The following RFX3 variants were observed in gnomAD, a reference collection of about 807,000 sequenced individuals.
The protein encoded by RFX3 is regulatory factor X3, also known as transcription factor RFX3.
Under a neutral mutation model 98.6 loss-of-function variants are expected in RFX3, and 14 were observed. The ratio of observed to expected loss-of-function variants is 0.14; its 90% confidence interval spans 0.09 to 0.22. The LOEUF (loss-of-function observed/expected upper bound fraction) is 0.22. Among genes scored for constraint, RFX3 ranks in the 10% least tolerant of loss-of-function variants. RFX3 has a pLI of 1.00. For missense variants in RFX3, 639 were observed against 926.9 expected, an observed-to-expected ratio of 0.69 and a Z score of 4.03; for synonymous variants, 383 against 328.4, an observed-to-expected ratio of 1.17 and a Z score of -1.80.
At chr9:3,292,180 C>G (rs1487786168) in intron 6 of RFX3, among the ~76,000 whole-genome samples, 1 of 143,556 alleles carries the variant, frequency 7.0e-6, no homozygotes, top group Non-Finnish European at 1.5e-5. Context: ...TACAGTATCT[C>G]TATTTTAACT....
intron 1 of RFX3, among the ~76,000 whole-genome samples, chr9:3,503,983 C>G (rs1343936889): frequency 6.6e-6 from 1 of 151,090 alleles, no homozygotes; most frequent in African/African-American, 2.4e-5. Flanking sequence ...ACACGCTGTT[C>G]AATTTTTTAA....
rs573110140 is a variant in RFX3 at position 3,321,870 on chromosome 9, C to T, written c.474+8389G>A. 8.1e-4 allele frequency among the ~76,000 whole-genome samples: 123 copies of T among 152,002 alleles called. 1 individual carries two copies. Among genetic ancestry groups the T allele is most frequent in the African/African-American group, 2.8e-3 (118 of 41,476 alleles). ...TAAATATATAAATATTCAGTTGTTCCAAATATCATTTACTGATAATCCATG... is the reference window on the plus strand; with the variant it reads ...TAAATATATAAATATTCAGTTGTTCTAAATATCATTTACTGATAATCCATG... On this transcript the variant is annotated intron_variant, in intron 4 of 16. Coordinates refer to ENST00000617270, the MANE Select transcript of RFX3 (RefSeq NM_001282116.2).
At chr9:3,393,536 A>C (rs1276494426) in intron 2 of RFX3, among the ~76,000 whole-genome samples, 1 of 151,906 alleles carries the variant, frequency 6.6e-6, no homozygotes, top group Admixed American at 6.6e-5. Context: ...ATTGCCTTTA[A>C]AAAGATAACT....
At chr9:3,335,233 T>C (rs1300681258) in intron 3 of RFX3, among the ~76,000 whole-genome samples, 1 of 152,132 alleles carries the variant, frequency 6.6e-6, no homozygotes, top group African/African-American at 2.4e-5. Flanking sequence ...GCCAGAGTCA[T>C]GCACAAGTAA....
chr9:3,225,257 C>T lies in RFX3; in HGVS notation c.2035G>A (p.Glu679Lys), dbSNP rs1207955488. ...GAGTCATCCAGTTCTTCATCCATTT[C>T]ACTTTCTACTTCACTGCCTTCATCT... ...DKDEGSEVESEMDEELDDSSE... is the reference protein window; with the variant it reads ...DKDEGSEVESKMDEELDDSSE... Residue 679 changes from glutamate (E) to lysine (K), a missense_variant, in exon 17 of 17, where the codon GAA (glutamate) becomes AAA (lysine). By Grantham distance (56) the Glu-to-Lys change is moderately conservative (BLOSUM62 1). This residue lies in a region of RFX3 where 129 missense variants were observed against 124.6 expected (regional missense o/e 1.04). Transcript: ENST00000617270. The T allele has an allele frequency of 6.2e-7, 1 of 1,613,744 alleles. No individual in the cohort carries two copies. Among genetic ancestry groups the T allele is most frequent in the Non-Finnish European group, 8.5e-7 (1 of 1,179,896 alleles).
chr9:3,423,655 C>T (rs994979607), intron 1 of RFX3, among the ~76,000 whole-genome samples: 2 of 151,564 alleles, frequency 1.3e-5, no homozygotes, highest in Admixed American at 6.6e-5. Context: ...TACAAGGGAG[C>T]TTCGGGAAGT....
chr9:3,313,231 A>T (rs1311962864), intron 4 of RFX3, among the ~76,000 whole-genome samples: 3 of 152,150 alleles, frequency 2.0e-5, no homozygotes, highest in African/African-American at 7.2e-5. Context: ...TGCAGACTCC[A>T]CTGGTGATAC....
Position 3,236,500 on chromosome 9 carries a change from A to C in RFX3, c.1969-7611T>G, listed in dbSNP as rs557736503. Among the ~76,000 whole-genome samples the C allele has an allele frequency of 2.6e-5, 4 of 152,346 alleles. No individual in the cohort carries two copies. The East Asian group carries it at 7.7e-4, about 29-fold the overall frequency. ...TCCTCTGGACAGTTTCATGAGCACC[A>C]ACCCATGCTACCAGCTGCACCACAA... On this transcript the variant is annotated intron_variant, in intron 15 of 16. Transcript: ENST00000617270.
intron 4 of RFX3, among the ~76,000 whole-genome samples, chr9:3,328,520 T>G (rs371311851): frequency 2.0e-5 from 3 of 152,080 alleles, no homozygotes; most frequent in African/African-American, 7.2e-5. Context: ...AATACTGTAT[T>G]TAATATTATT....
intron 1 of RFX3, among the ~76,000 whole-genome samples, chr9:3,458,014 T>C (rs1218223809): frequency 6.6e-6 from 1 of 152,068 alleles, no homozygotes; most frequent in Admixed American, 6.6e-5. Flanking sequence ...GGAAATGACA[T>C]CTGAGTTGAG....
intron 1 of RFX3, among the ~76,000 whole-genome samples, chr9:3,513,807 T>C (rs936070190): frequency 1.3e-5 from 2 of 152,140 alleles, no homozygotes; most frequent in Non-Finnish European, 1.5e-5. Flanking sequence ...TAAATCTCTT[T>C]CCAAGTTCCA....
At chr9:3,337,185 G>A (rs1001158564) in intron 3 of RFX3, among the ~76,000 whole-genome samples, 2 of 152,086 alleles carry the variant, frequency 1.3e-5, no homozygotes, top group African/African-American at 4.8e-5. Flanking sequence ...TGCAATCAGG[G>A]CCCATGACTG....
At chr9:3,511,570 C>T (rs1215758151) in intron 1 of RFX3, among the ~76,000 whole-genome samples, 1 of 152,020 alleles carries the variant, frequency 6.6e-6, no homozygotes, top group Non-Finnish European at 1.5e-5. Context: ...AAATGAGTAG[C>T]AAACTTTGAA....
At chr9:3,503,248 C>T (rs771178082) in intron 1 of RFX3, among the ~76,000 whole-genome samples, 4 of 151,970 alleles carry the variant, frequency 2.6e-5, no homozygotes, top group South Asian at 2.1e-4. Flanking sequence ...ATCATTGAAC[C>T]GGCCTTTCAG....
chr9:3,226,819 C>A (rs1344521717), intron 16 of RFX3, among the ~76,000 whole-genome samples: 2 of 152,142 alleles, frequency 1.3e-5, no homozygotes, highest in African/African-American at 4.8e-5. Flanking sequence ...CTGTAAGGAT[C>A]TTAACACAAA....
At chr9:3,369,982 CTA>C (rs1563999646) in intron 2 of RFX3, among the ~76,000 whole-genome samples, 5 of 148,892 alleles carry the variant, frequency 3.4e-5, no homozygotes, top group Non-Finnish European at 6.0e-5. Context: ...GCGCCCGCCA[CTA>C]CGCCCGGCTA....
At chr9:3,520,941 G>A (rs904260130) in intron 1 of RFX3, among the ~76,000 whole-genome samples, 2 of 152,154 alleles carry the variant, frequency 1.3e-5, no homozygotes, top group Admixed American at 6.5e-5. Context: ...CAGTCCCAAA[G>A]TGTTGGGATT....
intron 1 of RFX3, among the ~76,000 whole-genome samples, chr9:3,457,166 A>AAAAAG (rs1564125241): frequency 3.3e-5 from 5 of 150,328 alleles, no homozygotes; most frequent in Admixed American, 6.6e-5. Context: ...AAAAAAAAAA[A>AAAAAG]AAAAGAAAAG....
At chr9:3,504,192 A>G (rs1185258886) in intron 1 of RFX3, among the ~76,000 whole-genome samples, 1 of 94,204 alleles carries the variant, frequency 1.1e-5, no homozygotes, top group East Asian at 1.1e-3. Flanking sequence ...CATATTATAT[A>G]TTATATATAT....
Sources: allele counts gnomAD v4.1 joint callset (sites outside exome capture counted in the v4.1 genomes callset), GRCh38; gene constraint gnomAD v4.1.1; regional missense constraint gnomAD v4.1.1; transcripts MANE v1.5; gene names NCBI Gene and HGNC (gene_info 2026-07-23, HGNC 2026-07-21).